The following NDST3 variants were observed in gnomAD, a reference collection of about 807,000 sequenced individuals.
The protein encoded by NDST3 is N-deacetylase and N-sulfotransferase 3.
NDST3 carries 58 observed loss-of-function variants against 96.1 expected under a neutral mutation model. That is an observed-to-expected ratio of 0.60 (90% CI 0.49 to 0.75). NDST3 has a LOEUF of 0.75. Among genes scored for constraint, NDST3 ranks in the 30% least tolerant of loss-of-function variants. The pLI is 0.00. For synonymous variants in NDST3, 333 were observed against 359.7 expected, an observed-to-expected ratio of 0.93 and a Z score of 0.84; for missense variants, 788 against 1,034.2, an observed-to-expected ratio of 0.76 and a Z score of 3.27.
At chr4:118,119,058 AAGT>A (rs1264044892) in intron 4 of NDST3, among the ~76,000 whole-genome samples, 1 of 152,180 alleles carries the variant, frequency 6.6e-6, no homozygotes. Context: ...ATACTATTAA[AAGT>A]AGTAGTAGTA....
At chr4:118,120,499 A>G (rs1369516856) in intron 4 of NDST3, among the ~76,000 whole-genome samples, 2 of 152,144 alleles carry the variant, frequency 1.3e-5, no homozygotes, top group African/African-American at 4.8e-5. Context: ...GGGTGATTAG[A>G]TCAAAGAGAT....
chr4:118,039,116 C>A (rs1198504477), intron 1 of NDST3, among the ~76,000 whole-genome samples: 1 of 152,056 alleles, frequency 6.6e-6, no homozygotes, highest in Non-Finnish European at 1.5e-5. Flanking sequence ...TTGGTGGAGT[C>A]TTTTTAAAAA....
chr4:118,237,909 CTGTT>C (rs1265436611), intron 10 of NDST3, among the ~76,000 whole-genome samples: 3 of 151,930 alleles, frequency 2.0e-5, no homozygotes, highest in Admixed American at 2.0e-4. Flanking sequence ...GGTGGGAAGA[CTGTT>C]TGAGCCCAGG....
chr4:118,193,432 GCTCT>G, intron 6 of NDST3: 1 of 681,886 alleles, frequency 1.5e-6, no homozygotes, highest in South Asian at 1.8e-5. Flanking sequence ...CTTGAGACTG[GCTCT>G]CTGTGGTGTT....
At chr4:118,154,982 C>A (rs929699410) in intron 6 of NDST3, among the ~76,000 whole-genome samples, 5 of 152,148 alleles carry the variant, frequency 3.3e-5, no homozygotes, top group Admixed American at 2.0e-4. Context: ...TTGAGAAAAG[C>A]TGTAATAAGC....
intron 2 of NDST3, among the ~76,000 whole-genome samples, chr4:118,091,050 A>G (rs911498565): frequency 2.0e-5 from 3 of 151,742 alleles, no homozygotes; most frequent in South Asian, 2.1e-4. Flanking sequence ...TGACAGAGAG[A>G]GACTCCATCT....
At chr4:118,087,527 A>C (rs1728526627) in intron 2 of NDST3, among the ~76,000 whole-genome samples, 2 of 152,086 alleles carry the variant, frequency 1.3e-5, no homozygotes, top group Non-Finnish European at 2.9e-5. Flanking sequence ...TCAGCTGTGA[A>C]TATCTCTAAT....
chr4:118,132,867 G>A (rs1469787763), intron 4 of NDST3, among the ~76,000 whole-genome samples: 2 of 152,136 alleles, frequency 1.3e-5, no homozygotes, highest in Middle Eastern at 3.2e-3. Context: ...CCAGGAGCTA[G>A]GGCCTGGAAT....
intron 4 of NDST3, among the ~76,000 whole-genome samples, chr4:118,126,551 T>TACAC (rs1162422352): frequency 1.2e-4 from 16 of 129,528 alleles, no homozygotes; most frequent in African/African-American, 4.3e-4. Context: ...TATATATATA[T>TACAC]ATACACCTCA....
chr4:118,159,261 C>T (rs1351180204), intron 6 of NDST3, among the ~76,000 whole-genome samples: 1 of 152,190 alleles, frequency 6.6e-6, no homozygotes, highest in Non-Finnish European at 1.5e-5. Flanking sequence ...CAACAAAAGA[C>T]AGCTTGGCAG....
rs199910666 is a variant in NDST3, at chr4:118,059,835, A to G, written c.981+4944A>G. ...ATGAATGTCAAGATCTGTACATTGT[A>G]CATAGTATTAATGTTTTGTCATTTT... On this transcript the variant is annotated intron_variant, in intron 2 of 13. Coordinates refer to ENST00000296499, the MANE Select transcript of NDST3 (RefSeq NM_004784.3). 3.9e-5 allele frequency among the ~76,000 whole-genome samples: 6 copies of G among 152,158 alleles called. No individual in the cohort carries two copies. In the East Asian group the frequency reaches 1.2e-3, roughly 29 times the overall value.
intron 2 of NDST3, among the ~76,000 whole-genome samples, chr4:118,058,629 G>GTGTGTT (rs1234758108): frequency 5.8e-5 from 1 of 17,372 alleles, no homozygotes; most frequent in Non-Finnish European, 4.3e-4. Context: ...GTGTGTGTGT[G>GTGTGTT]TGTGTGCGCG....
At chr4:118,176,801 T>C (rs1457271843) in intron 6 of NDST3, among the ~76,000 whole-genome samples, 2 of 152,042 alleles carry the variant, frequency 1.3e-5, no homozygotes, top group African/African-American at 4.8e-5. Context: ...AGATATGAAA[T>C]AATCTGATGA....
At chr4:118,160,749 G>A (rs1356801273) in intron 6 of NDST3, among the ~76,000 whole-genome samples, 2 of 152,138 alleles carry the variant, frequency 1.3e-5, no homozygotes, top group Non-Finnish European at 1.5e-5. Context: ...CTCTGTATTG[G>A]TTACTCTAGT....
intron 2 of NDST3, among the ~76,000 whole-genome samples, chr4:118,102,182 A>C (rs560922691): frequency 2.4e-4 from 37 of 152,208 alleles, no homozygotes; most frequent in African/African-American, 6.0e-4. Flanking sequence ...AATAATTGAT[A>C]CATGGAATTG....
chr4:118,052,028 A>G (rs1381842134), intron 1 of NDST3, among the ~76,000 whole-genome samples: 1 of 152,136 alleles, frequency 6.6e-6, no homozygotes. Flanking sequence ...AGATTCCATT[A>G]CTGGGTATAT....
Position 118,231,275 on chromosome 4 carries a change from G to C in NDST3, c.1820-1737G>C, listed in dbSNP as rs545719408. ...CGCTTGAGCCCAGGAGGCAGAGGTT[G>C]CAGTGAGCCCAGATCGTGCCACTGC... On this transcript the variant is annotated intron_variant, in intron 8 of 13. Transcript: ENST00000296499. Among the ~76,000 whole-genome samples the C allele has an allele frequency of 8.3e-3, 1,255 of 151,792 alleles. 14 individuals are homozygous for C. The highest frequency in any genetic ancestry group is 0.023 in the African/African-American group (963 of 41,442).
chr4:118,091,070 A>G (rs867059311), intron 2 of NDST3, among the ~76,000 whole-genome samples: 1 of 151,788 alleles, frequency 6.6e-6, no homozygotes, highest in African/African-American at 2.4e-5. Context: ...TCAAAAAAAA[A>G]ACAAAAATGC....
chr4:118,253,406 G>A, intron 12 of NDST3, 93 bp from the exon 13 acceptor site: 1 of 694,552 alleles, frequency 1.4e-6, no homozygotes, highest in Non-Finnish European at 2.5e-6. Context: ...TTTATGTATT[G>A]GTCACTATAT....
Sources: gnomAD v4.1 joint callset for allele counts (sites outside exome capture counted in the v4.1 genomes callset) on GRCh38, gnomAD v4.1.1 for gene constraint, MANE v1.5 for transcripts, NCBI Gene and HGNC (gene_info 2026-07-23, HGNC 2026-07-21) for gene names.